CHUK: variants seen among roughly 807,000 people sequenced by gnomAD.
CHUK encodes the protein inhibitor of nuclear factor kappa-B kinase subunit alpha.
In CHUK, 35 loss-of-function variants were observed where a neutral mutation model predicts 104.8. The ratio of observed to expected loss-of-function variants is 0.33; its 90% CI spans 0.26 to 0.44. The LOEUF (loss-of-function observed/expected upper bound fraction) is 0.44. Among genes scored for constraint, CHUK ranks in the 20% least tolerant of loss-of-function variants. CHUK has a pLI of 1.00. For missense variants in CHUK, 663 were observed against 902.7 expected (o/e 0.73, Z 3.40); for synonymous variants, 276 against 291.9 (o/e 0.95, Z 0.56).
intron 11 of CHUK, among the ~76,000 whole-genome samples, chr10:100,206,626 G>A (rs1845596804): frequency 6.6e-6 from 1 of 152,164 alleles, no homozygotes; most frequent in Non-Finnish European, 1.5e-5. Context: ...TTTGTCAAAA[G>A]TTATCAAACT....
intron 9 of CHUK, among the ~76,000 whole-genome samples, chr10:100,215,967 C>G: frequency 6.6e-6 from 1 of 152,154 alleles, no homozygotes; most frequent in East Asian, 1.9e-4. Flanking sequence ...TAACTAGTAC[C>G]TTATACATAC....
At chr10:100,206,887 G>C (rs1237744177) in intron 11 of CHUK, among the ~76,000 whole-genome samples, 1 of 152,148 alleles carries the variant, frequency 6.6e-6, no homozygotes, top group African/African-American at 2.4e-5. Context: ...ACATCAAGCA[G>C]TATTCACAGG....
At position 100,222,184 on chromosome 10, in the gene CHUK, A is replaced by G; in HGVS notation, c.316-3T>C. On this transcript the variant is annotated splice_polypyrimidine_tract_variant and splice_region_variant and intron_variant, in intron 3 of 20. Coordinates refer to ENST00000370397, the MANE Select transcript of CHUK (RefSeq NM_001278.5). Reference sequence around the variant, plus strand: ...CAATTTTCTGGTTTGTTGAGCAGCTAAAAAAAGAAAGAAATCTAAAAATCT... The same window carrying G: ...CAATTTTCTGGTTTGTTGAGCAGCTGAAAAAAGAAAGAAATCTAAAAATCT... 1.9e-6 allele frequency: 3 copies of G among 1,578,416 alleles called. No homozygotes were observed. The highest frequency in any genetic ancestry group is 1.7e-5 in the Admixed American group (1 of 59,854).
At chr10:100,210,858 T>TG (rs777577238) in intron 9 of CHUK, among the ~76,000 whole-genome samples, 1 of 152,178 alleles carries the variant, frequency 6.6e-6, no homozygotes, top group Non-Finnish European at 1.5e-5. Context: ...CTGAGTCAGG[T>TG]GGGGCTCTGT....
intron 15 of CHUK, among the ~76,000 whole-genome samples, chr10:100,200,250 G>C (rs1845430609): frequency 6.6e-6 from 1 of 152,072 alleles, no homozygotes; most frequent in Admixed American, 6.6e-5. Context: ...GGACATCTCT[G>C]CACCACAGAC....
chr10:100,215,214 C>CAAAAAAAA (rs913817319), intron 9 of CHUK, among the ~76,000 whole-genome samples: 12 of 51,544 alleles, frequency 2.3e-4, no homozygotes, highest in East Asian at 6.2e-4. Flanking sequence ...GGCTCCATAT[C>CAAAAAAAA]AAAAAAAAAA....
At chr10:100,211,034 C>T (rs1589590291) in intron 9 of CHUK, among the ~76,000 whole-genome samples, 1 of 152,356 alleles carries the variant, frequency 6.6e-6, no homozygotes, top group East Asian at 1.9e-4. Context: ...TTAAAATTCT[C>T]TCTGCTGAAA....
intron 9 of CHUK, among the ~76,000 whole-genome samples, chr10:100,214,510 A>C (rs1845807888): frequency 6.6e-6 from 1 of 152,238 alleles, no homozygotes; most frequent in Admixed American, 6.5e-5. Context: ...GAAATGAAAG[A>C]CTGAAATGGG....
chr10:100,206,805 T>A (rs944125110), intron 11 of CHUK, among the ~76,000 whole-genome samples: 1 of 152,212 alleles, frequency 6.6e-6, no homozygotes, highest in Admixed American at 6.5e-5. Context: ...TTTGGACAGA[T>A]ATACAGTGAT....
chr10:100,215,213 T>TAA (rs1564838522), intron 9 of CHUK, among the ~76,000 whole-genome samples: 19 of 47,268 alleles, frequency 4.0e-4, no homozygotes, highest in African/African-American at 6.2e-4. Flanking sequence ...AGGCTCCATA[T>TAA]CAAAAAAAAA....
chr10:100,198,294 G>A (rs528053510), intron 16 of CHUK, among the ~76,000 whole-genome samples: 1 of 152,236 alleles, frequency 6.6e-6, no homozygotes, highest in African/African-American at 2.4e-5. Context: ...TCACTGTATA[G>A]AAGAAACACT....
intron 19 of CHUK, chr10:100,192,811 T>C: frequency 1.2e-6 from 1 of 833,888 alleles, no homozygotes; most frequent in Non-Finnish European, 1.4e-6. Flanking sequence ...CTGAAAAAAG[T>C]CTAATCTTAG....
At chr10:100,229,142 G>C (rs893338251) in intron 1 of CHUK, among the ~76,000 whole-genome samples, 1 of 151,966 alleles carries the variant, frequency 6.6e-6, no homozygotes, top group Non-Finnish European at 1.5e-5. Flanking sequence ...CACATTCACA[G>C]AGACACACAC....
At chr10:100,212,581 A>G (rs1033140491) in intron 9 of CHUK, among the ~76,000 whole-genome samples, 1 of 152,142 alleles carries the variant, frequency 6.6e-6, no homozygotes, top group Admixed American at 6.5e-5. Flanking sequence ...TCTTTTCCCA[A>G]TCCATGGGTT....
At chr10:100,215,468 G>C (rs1292087924) in intron 9 of CHUK, among the ~76,000 whole-genome samples, 2 of 151,954 alleles carry the variant, frequency 1.3e-5, no homozygotes, top group Admixed American at 6.6e-5. Flanking sequence ...AATGGAAAAA[G>C]AGAGAACCAA....
At position 100,188,742 on chromosome 10, in the gene CHUK, G is replaced by A. The variant is rs1361749219; in HGVS notation, c.*856C>T. ...AGCTTATGGAAACCTTGTTTTCAGA[G>A]CTTTTTGGATTTTGGAATTACAATT... On this transcript the variant is annotated 3_prime_UTR_variant, in exon 21 of 21. Coordinates refer to ENST00000370397, the MANE Select transcript of CHUK (RefSeq NM_001278.5). The A allele has an allele frequency of 6.6e-6, 1 of 152,144 alleles. No homozygotes were observed. The highest frequency in any genetic ancestry group is 1.5e-5 in the Non-Finnish European group (1 of 68,030). 9.4% of individuals were successfully genotyped at this position (152,144 alleles called of 1,614,324 possible).
chr10:100,207,591 G>A (rs1446066827), intron 10 of CHUK, among the ~76,000 whole-genome samples: 2 of 152,040 alleles, frequency 1.3e-5, no homozygotes, highest in African/African-American at 4.8e-5. Flanking sequence ...AAAACTAATC[G>A]GTAATCAAAA....
At chr10:100,224,567 G>C (rs887463504) in intron 2 of CHUK, among the ~76,000 whole-genome samples, 1 of 150,780 alleles carries the variant, frequency 6.6e-6, no homozygotes, top group African/African-American at 2.4e-5. Context: ...CTCCCAAGTA[G>C]CTGGGATTAC....
chr10:100,212,633 AC>A (rs1296792171), intron 9 of CHUK, among the ~76,000 whole-genome samples: 30 of 152,318 alleles, frequency 2.0e-4, no homozygotes, highest in African/African-American at 6.7e-4. Context: ...TCTACTGTAC[AC>A]TTTTTAGTTT....
Sources: allele counts gnomAD v4.1 joint callset (sites outside exome capture counted in the v4.1 genomes callset), GRCh38; gene constraint gnomAD v4.1.1; transcripts MANE v1.5; gene names NCBI Gene and HGNC (gene_info 2026-07-23, HGNC 2026-07-21).